MBOAT2: variants seen among roughly 807,000 people sequenced by gnomAD.
MBOAT2 encodes the protein membrane bound glycerophospholipid O-acyltransferase 2, also known as membrane-bound glycerophospholipid O-acyltransferase 2.
MBOAT2 carries 28 observed loss-of-function variants against 63.4 expected under a neutral mutation model. The observed-to-expected ratio is 0.44, with a 90% CI of 0.33 to 0.61. The LOEUF (loss-of-function observed/expected upper bound fraction) is 0.61. Ranked by LOEUF, MBOAT2 falls within the 20% of genes least tolerant of loss-of-function variation. MBOAT2 has a pLI of 0.03. For missense variants in MBOAT2, 470 were observed against 605.8 expected (o/e 0.78, Z 2.35); for synonymous variants, 211 against 215.6 (o/e 0.98, Z 0.19).
chr2:8,959,869 C>CA (rs1036649517), intron 1 of MBOAT2, among the ~76,000 whole-genome samples: 14 of 151,670 alleles, frequency 9.2e-5, no homozygotes, highest in East Asian at 3.9e-4. Flanking sequence ...TAGGAACCTG[C>CA]AAAAAAAATA....
rs146332379 is a variant in MBOAT2, at chr2:8,904,971, G to A, written c.395+3650C>T. On this transcript the variant is annotated intron_variant, in intron 4 of 12. Transcript: ENST00000305997. Reference sequence around the variant, plus strand: ...TCTTTATCTAATCAACATTTTAAATGTATCTTAAACCTAACAATTTACACA... The same window carrying A: ...TCTTTATCTAATCAACATTTTAAATATATCTTAAACCTAACAATTTACACA... 6.2e-3 allele frequency among the ~76,000 whole-genome samples: 945 copies of A among 152,100 alleles called. 9 individuals are homozygous for A. The highest frequency in any genetic ancestry group is 9.7e-3 in the Non-Finnish European group (659 of 67,986).
intron 4 of MBOAT2, among the ~76,000 whole-genome samples, chr2:8,894,215 C>T (rs1664248417): frequency 6.6e-6 from 1 of 152,182 alleles, no homozygotes; most frequent in Admixed American, 6.5e-5. Flanking sequence ...TTCTGACGAA[C>T]CTTGTACCAC....
chr2:8,934,916 T>G (rs1451411941), intron 3 of MBOAT2, among the ~76,000 whole-genome samples: 1 of 152,148 alleles, frequency 6.6e-6, no homozygotes, highest in Non-Finnish European at 1.5e-5. Flanking sequence ...CATCATTCAT[T>G]CCCAGTAGAG....
intron 4 of MBOAT2, among the ~76,000 whole-genome samples, chr2:8,893,906 G>A (rs527510608): frequency 6.6e-6 from 1 of 152,290 alleles, no homozygotes; most frequent in African/African-American, 2.4e-5. Context: ...ACACATCAAG[G>A]AGGCCCTGCA....
At chr2:8,939,426 A>G (rs545774097) in intron 3 of MBOAT2, among the ~76,000 whole-genome samples, 14 of 152,346 alleles carry the variant, frequency 9.2e-5, no homozygotes, top group African/African-American at 3.1e-4. Flanking sequence ...GGCAGGACAG[A>G]GTCCGATGGC....
chr2:8,962,595 A>G (rs1392645459), intron 1 of MBOAT2, among the ~76,000 whole-genome samples: 1 of 152,204 alleles, frequency 6.6e-6, no homozygotes, highest in Non-Finnish European at 1.5e-5. Flanking sequence ...GCAAGTAGCA[A>G]GAGGGACCTT....
chr2:8,936,906 G>T (rs1314135505), intron 3 of MBOAT2, among the ~76,000 whole-genome samples: 1 of 152,134 alleles, frequency 6.6e-6, no homozygotes, highest in Non-Finnish European at 1.5e-5. Flanking sequence ...AGGTTAACAG[G>T]CTTCCACTCT....
At position 8,968,124 on chromosome 2, in the gene MBOAT2, C is replaced by A. The variant is rs963523987; in HGVS notation, c.76-9482G>T. Among the ~76,000 whole-genome samples, 61 of 149,424 alleles carry A rather than the reference C, an allele frequency of 4.1e-4. 1 individual carries two copies. Among genetic ancestry groups the A allele is most frequent in the Non-Finnish European group, 7.4e-5 (5 of 67,242 alleles). ...CCCCGAGAAGCCTAACTGGGAGGCA[C>A]CCCCCAGTAGGGGCAGACTGACACC... is the stretch of plus-strand genomic sequence containing the variant. On this transcript the variant is annotated intron_variant, in intron 1 of 12. Transcript: ENST00000305997.
chr2:8,956,552 G>A (rs1381645655), intron 2 of MBOAT2, among the ~76,000 whole-genome samples: 1 of 152,102 alleles, frequency 6.6e-6, no homozygotes, highest in Non-Finnish European at 1.5e-5. Flanking sequence ...AATTAGCCGG[G>A]TGTGGTGGCA....
chr2:8,961,844 T>G (rs62119980), intron 1 of MBOAT2, among the ~76,000 whole-genome samples: 7,467 of 152,256 alleles, frequency 0.049, 182 homozygotes, highest in Middle Eastern at 0.061. Context: ...ACCAGGCTCA[T>G]GCCAAGGCCA....
chr2:8,903,322 T>C (rs947545683), intron 4 of MBOAT2, among the ~76,000 whole-genome samples: 14 of 152,176 alleles, frequency 9.2e-5, no homozygotes, highest in Non-Finnish European at 1.9e-4. Flanking sequence ...GGCTCAGCCT[T>C]CAAGAACTTA....
At chr2:8,977,079 GA>G (rs1670869468) in intron 1 of MBOAT2, among the ~76,000 whole-genome samples, 1 of 152,136 alleles carries the variant, frequency 6.6e-6, no homozygotes, top group African/African-American at 2.4e-5. Context: ...AGGGCACAAG[GA>G]AACTGTTGGG....
chr2:8,993,944 C>T (rs1289691508), intron 1 of MBOAT2, among the ~76,000 whole-genome samples: 4 of 152,176 alleles, frequency 2.6e-5, no homozygotes. Flanking sequence ...GTTCTGACTC[C>T]GTGTGCATTG....
At chr2:8,937,826 C>G (rs563617644) in intron 3 of MBOAT2, among the ~76,000 whole-genome samples, 3 of 152,326 alleles carry the variant, frequency 2.0e-5, no homozygotes, top group South Asian at 4.1e-4. Flanking sequence ...GCCAGGCACT[C>G]TGCTAGGCCC....
chr2:8,994,599 G>C (rs1230711176), intron 1 of MBOAT2, among the ~76,000 whole-genome samples: 1 of 152,202 alleles, frequency 6.6e-6, no homozygotes, highest in Non-Finnish European at 1.5e-5. Context: ...TGACATAAAT[G>C]CTGCATGGGA....
intron 1 of MBOAT2, among the ~76,000 whole-genome samples, chr2:8,975,009 T>G (rs1670718694): frequency 6.6e-6 from 1 of 152,100 alleles, no homozygotes; most frequent in Non-Finnish European, 1.5e-5. Context: ...AATCCAAAAG[T>G]ATAGCCTCCT....
intron 1 of MBOAT2, among the ~76,000 whole-genome samples, chr2:8,970,616 G>A (rs1670377611): frequency 6.6e-6 from 1 of 152,134 alleles, no homozygotes; most frequent in Non-Finnish European, 1.5e-5. Flanking sequence ...AAAGTTGATA[G>A]ACCACTAGCA....
At position 8,858,471 on chromosome 2, in the gene MBOAT2, C is replaced by T. The variant is rs372109991; in HGVS notation, c.*208G>A. 12 of 500,156 alleles carry T rather than the reference C, an allele frequency of 2.4e-5. No homozygotes were observed. In the South Asian group the frequency reaches 4.2e-4, roughly 17 times the overall value. 31.0% of individuals were successfully genotyped at this position (500,156 alleles called of 1,614,324 possible). On this transcript the variant is annotated 3_prime_UTR_variant, in exon 13 of 13. Transcript: ENST00000305997. ...GTGCCCACTGAAATATGGAAATATTCTTACATAAGGCGTGGCCCACGGAGA... is the reference window on the plus strand; with the variant it reads ...GTGCCCACTGAAATATGGAAATATTTTTACATAAGGCGTGGCCCACGGAGA...
rs1189141485 is a variant in MBOAT2 at position 8,862,339 on chromosome 2, A to C, written c.1185+251T>G. ...CAGAAAATTCTGTAAAGACAAAGTA[A>C]CATTTTGTGAGTGCCTCCTACCTGC... On this transcript the variant is annotated intron_variant, in intron 11 of 12. Transcript: ENST00000305997. This position sits in a 1 kb window ranked among gnomAD's most constrained non-coding sequence, Gnocchi z 4.3. 5 of 1,419,464 alleles carry C rather than the reference A, an allele frequency of 3.5e-6. 1 individual carries two copies. The South Asian group carries it at 6.1e-5, about 17-fold the overall frequency. 87.9% of individuals were successfully genotyped at this position (1,419,464 alleles called of 1,614,324 possible). A position where few individuals can be genotyped will look rare whatever the true frequency, so the allele number is the denominator to read the frequency against.
Sources: allele counts gnomAD v4.1 joint callset (sites outside exome capture counted in the v4.1 genomes callset), GRCh38; gene constraint gnomAD v4.1.1; non-coding constraint Gnocchi (gnomAD v3.1); transcripts MANE v1.5; gene names NCBI Gene and HGNC (gene_info 2026-07-23, HGNC 2026-07-21).